Variants in SGSM1 observed in about 807,000 individuals in gnomAD.
SGSM1 encodes RUN and TBC1 domain containing 2.
In SGSM1, 73 loss-of-function variants were observed where a neutral mutation model predicts 133.8. The ratio of observed to expected loss-of-function variants is 0.55; its 90% CI spans 0.45 to 0.66. The LOEUF (loss-of-function observed/expected upper bound fraction) is 0.66. Among genes scored for constraint, SGSM1 ranks in the 30% least tolerant of loss-of-function variants. The probability of loss-of-function intolerance (pLI) is 0.00; values close to 1 mark genes in which losing one functional copy is unlikely to be tolerated. For missense variants in SGSM1, 1,213 were observed against 1,448.1 expected (o/e 0.84, Z 2.64); for synonymous variants, 563 against 573.0 (o/e 0.98, Z 0.25).
intron 16 of SGSM1, among the ~76,000 whole-genome samples, chr22:24,889,256 G>A (rs1011357541): frequency 4.0e-5 from 6 of 151,888 alleles, no homozygotes; most frequent in Admixed American, 1.3e-4. Context: ...CACCGTGCCC[G>A]GCCCTCATAG....
intron 8 of SGSM1, among the ~76,000 whole-genome samples, chr22:24,857,023 C>G (rs931623492): frequency 6.6e-6 from 1 of 152,042 alleles, no homozygotes. Flanking sequence ...CCGCTTTGGC[C>G]TCCCAAAGTG....
chr22:24,854,693 C>T (rs1432989703), intron 5 of SGSM1, among the ~76,000 whole-genome samples: 1 of 152,182 alleles, frequency 6.6e-6, no homozygotes, highest in African/African-American at 2.4e-5. Flanking sequence ...GCGCATGCCT[C>T]TAGCCCCAGC....
In SGSM1 at chr22:24,822,088, C is replaced by CTTTT. The variant is rs71320790; in HGVS notation, c.63+15621_63+15624dup. On this transcript the variant is annotated intron_variant, in intron 2 of 24. Transcript: ENST00000400358. ...CCATGCTCTACCTGTTCATCTCTCT[C>CTTTT]TTTTTTTTTTTTTTTTTTTTGAGAC... 6.1e-3 allele frequency among the ~76,000 whole-genome samples: 585 copies of CTTTT among 96,106 alleles called. 18 individuals are homozygous for CTTTT. Among genetic ancestry groups the CTTTT allele is most frequent in the African/African-American group, 0.015 (399 of 26,168 alleles). The allele number at this position is 96,106 out of a possible 152,430, so 63.0% of individuals were successfully genotyped here.
chr22:24,841,405 G>A (rs1313898536), intron 2 of SGSM1, among the ~76,000 whole-genome samples: 1 of 152,194 alleles, frequency 6.6e-6, no homozygotes, highest in East Asian at 1.9e-4. Flanking sequence ...TGTTCCATGT[G>A]CACTTGAGAA....
intron 2 of SGSM1, among the ~76,000 whole-genome samples, chr22:24,838,486 T>C (rs1929599356): frequency 6.6e-6 from 1 of 152,240 alleles, no homozygotes. Flanking sequence ...GTTTCAGTTC[T>C]TTGATACTTT....
intron 9 of SGSM1, among the ~76,000 whole-genome samples, chr22:24,866,413 A>G (rs192215938): frequency 7.2e-5 from 11 of 152,302 alleles, no homozygotes; most frequent in East Asian, 5.8e-4. Context: ...GCGTGGACAC[A>G]TAGTGGCCTG....
intron 15 of SGSM1, among the ~76,000 whole-genome samples, chr22:24,885,044 G>T (rs1049624483): frequency 2.0e-5 from 3 of 151,976 alleles, no homozygotes; most frequent in Admixed American, 2.0e-4. Context: ...CCGCCTCCTG[G>T]GTTCAAGCAA....
chr22:24,925,897 A>T lies in SGSM1; in HGVS notation c.*1623A>T, dbSNP rs1370258023. Reference sequence around the variant, plus strand: ...TCCACAAACAGACCCGAAGTGAACTAGTTTACTCTGCCTACCTGTCCTTTC... The same window carrying T: ...TCCACAAACAGACCCGAAGTGAACTTGTTTACTCTGCCTACCTGTCCTTTC... On this transcript the variant is annotated 3_prime_UTR_variant, in exon 25 of 25. Coordinates refer to ENST00000400358, the MANE Select transcript of SGSM1 (RefSeq NM_001098497.3). 1 of 152,226 alleles carries T rather than the reference A, an allele frequency of 6.6e-6. No individual in the cohort carries two copies. Among genetic ancestry groups the T allele is most frequent in the Non-Finnish European group, 1.5e-5 (1 of 68,094 alleles). The allele number at this position is 152,226 out of a possible 1,614,324, so 9.4% of individuals were successfully genotyped here.
Position 24,859,848 on chromosome 22 carries a change from A to C in SGSM1, c.926+8A>C, listed in dbSNP as rs767296161. On this transcript the variant is annotated splice_region_variant and intron_variant, in intron 9 of 24. Coordinates refer to ENST00000400358, the MANE Select transcript of SGSM1 (RefSeq NM_001098497.3). The stretch of plus-strand genomic sequence containing the variant: ...CCTGGACTATGAGAAGAGGTAGGGC[A>C]CTGGGTCTGATACGTATCCCTTGGG... 1 of 1,613,432 alleles carries C rather than the reference A, an allele frequency of 6.2e-7. No individual in the cohort carries two copies. The highest frequency in any genetic ancestry group is 8.5e-7 in the Non-Finnish European group (1 of 1,179,672).
intron 16 of SGSM1, among the ~76,000 whole-genome samples, chr22:24,892,159 G>C (rs1387764350): frequency 6.6e-6 from 1 of 152,158 alleles, no homozygotes; most frequent in Non-Finnish European, 1.5e-5. Flanking sequence ...GGATGGCACT[G>C]GGAATTGGGA....
intron 5 of SGSM1, 49 bp downstream of exon 5, chr22:24,850,481 G>A (rs751145254): frequency 9.4e-6 from 15 of 1,591,756 alleles, no homozygotes; most frequent in East Asian, 4.5e-5. Flanking sequence ...CCCACCTGCC[G>A]GCCGTTGTGG....
At chr22:24,811,296 C>A (rs758427374) in intron 2 of SGSM1, among the ~76,000 whole-genome samples, 2 of 152,152 alleles carry the variant, frequency 1.3e-5, no homozygotes, top group South Asian at 4.1e-4. Context: ...ATCTGCTCCC[C>A]GCTCACCCTA....
chr22:24,872,482 G>A, intron 12 of SGSM1, among the ~76,000 whole-genome samples: 1 of 151,470 alleles, frequency 6.6e-6, no homozygotes, highest in African/African-American at 2.4e-5. Context: ...TGGATTTTGA[G>A]ACTTTGTTAA....
rs769758299 is a variant in SGSM1 at position 24,901,908 on chromosome 22, T to C, written c.2686T>C (p.Trp896Arg). The C allele has an allele frequency of 6.3e-7, 1 of 1,598,830 alleles. No individual in the cohort carries two copies. The highest frequency in any genetic ancestry group is 2.3e-5 in the East Asian group (1 of 44,040). The part of the protein sequence containing the change: ...KDVQRCDRNY[W>R]YFTPANLEKL... ...TGTGCAGAGGTGCGACCGCAACTAC[T>C]GGTACTTCACGCCCGCCAACTTGGA... The change falls in exon 20 of 25, where the codon TGG becomes CGG. Residue 896 changes from tryptophan to arginine, a missense_variant. Coordinates refer to ENST00000400358, the MANE Select transcript of SGSM1 (RefSeq NM_001098497.3).
chr22:24,871,347 G>T (rs554879527), intron 12 of SGSM1, among the ~76,000 whole-genome samples: 1 of 152,208 alleles, frequency 6.6e-6, no homozygotes, highest in East Asian at 1.9e-4. Context: ...TGTAGAATGG[G>T]GTAACAGCAG....
At chr22:24,884,953 A>AT (rs568181269) in intron 15 of SGSM1, among the ~76,000 whole-genome samples, 310 of 147,022 alleles carry the variant, frequency 2.1e-3, no homozygotes, top group African/African-American at 5.3e-3. Flanking sequence ...GCTTTAGATA[A>AT]TTTTTTTTTT....
At chr22:24,830,842 C>G (rs1346253930) in intron 2 of SGSM1, among the ~76,000 whole-genome samples, 1 of 152,176 alleles carries the variant, frequency 6.6e-6, no homozygotes, top group Non-Finnish European at 1.5e-5. Flanking sequence ...GCTGATGCTG[C>G]TGGCCCATGA....
intron 2 of SGSM1, among the ~76,000 whole-genome samples, chr22:24,829,140 GAGCCGAGATCGTGCCACTGCACTCC>G: frequency 6.6e-6 from 1 of 152,014 alleles, no homozygotes. Flanking sequence ...AGCTTGCAGG[GAGCCGAGATCGTGCCACTGCACTCC>G]AGCCTGGGCG....
chr22:24,829,457 A>G (rs942546841), intron 2 of SGSM1, among the ~76,000 whole-genome samples: 11 of 152,226 alleles, frequency 7.2e-5, no homozygotes, highest in African/African-American at 2.4e-4. Context: ...AATAATCTGT[A>G]CAACAAACTC....
Sources: allele counts gnomAD v4.1 joint callset (sites outside exome capture counted in the v4.1 genomes callset), GRCh38; gene constraint gnomAD v4.1.1; transcripts MANE v1.5; gene names NCBI Gene and HGNC (gene_info 2026-07-23, HGNC 2026-07-21).